LEMD1: variants seen among roughly 807,000 people sequenced by gnomAD.
LEMD1 encodes LEM domain-containing protein 1.
A neutral mutation model predicts 17.4 loss-of-function variants in LEMD1; 18 were observed. That is an observed-to-expected ratio of 1.04 (90% CI 0.72 to 1.54). LEMD1 has a LOEUF of 1.54. Ranked by LOEUF, LEMD1 falls within the 40% of genes most tolerant of loss-of-function variation. LEMD1 has a pLI of 0.00. For missense variants in LEMD1, 195 were observed against 210.4 expected, an observed-to-expected ratio of 0.93 and a Z score of 0.45; for synonymous variants, 88 against 77.8, an observed-to-expected ratio of 1.13 and a Z score of -0.69.
At chr1:205,406,162 C>T (rs1665090543) in intron 4 of LEMD1, among the ~76,000 whole-genome samples, 2 of 152,172 alleles carry the variant, frequency 1.3e-5, no homozygotes, top group Admixed American at 1.3e-4. Context: ...GGGTCAGGGA[C>T]CCACTTGAGG....
At chr1:205,398,147 T>C (rs78846925) in intron 4 of LEMD1, among the ~76,000 whole-genome samples, 2,060 of 152,308 alleles carry the variant, frequency 0.014, 52 homozygotes, top group African/African-American at 0.047. Flanking sequence ...TTAGCACACG[T>C]CAAAGGTAAG....
intron 4 of LEMD1, among the ~76,000 whole-genome samples, chr1:205,411,008 G>A (rs1282031602): frequency 6.8e-6 from 1 of 148,102 alleles, no homozygotes; most frequent in African/African-American, 2.5e-5. Context: ...AGAAAAGGAG[G>A]GAGGGAGAGA....
intron 1 of LEMD1, among the ~76,000 whole-genome samples, chr1:205,444,027 G>A (rs1369123059): frequency 3.3e-5 from 5 of 152,120 alleles, no homozygotes; most frequent in African/African-American, 4.8e-5. Context: ...GCTCCCTGAA[G>A]TCAGGTCCCC....
rs1666288052 is a variant in LEMD1, at chr1:205,441,179, AGGC to A, written c.-39+8686_-39+8688del. ...CTGGCCCAGTCATTGCCACTCCCTGAGGCGGCCCGCTAGGTCTCTCACACCGGC... is the reference window on the plus strand; with the variant it reads ...CTGGCCCAGTCATTGCCACTCCCTGAGGCCCGCTAGGTCTCTCACACCGGC... On this transcript the variant is annotated intron_variant, in intron 1 of 3. Transcript: ENST00000367154. This position sits in a 1 kb window ranked among gnomAD's most constrained non-coding sequence, Gnocchi z 4.3. The A allele has an allele frequency of 6.6e-6, 1 of 152,212 alleles. No individual in the cohort carries two copies. Among genetic ancestry groups the A allele is most frequent in the Non-Finnish European group, 1.5e-5 (1 of 68,114 alleles). The allele number at this position is 152,212 out of a possible 1,614,324, so 9.4% of individuals were successfully genotyped here.
chr1:205,405,577 A>G (rs1385407369), intron 4 of LEMD1, among the ~76,000 whole-genome samples: 55 of 134,890 alleles, frequency 4.1e-4, no homozygotes, highest in Admixed American at 5.2e-4. Context: ...ACTTCTCTGT[A>G]TTGGTTATTC....
intron 4 of LEMD1, among the ~76,000 whole-genome samples, chr1:205,406,825 G>A (rs1218853411): frequency 2.0e-5 from 3 of 152,180 alleles, no homozygotes; most frequent in African/African-American, 7.2e-5. Context: ...CTGTAGACAG[G>A]AGCTGTTCCT....
chr1:205,412,836 A>C (rs888690948), intron 4 of LEMD1, among the ~76,000 whole-genome samples: 17 of 152,218 alleles, frequency 1.1e-4, no homozygotes, highest in African/African-American at 3.9e-4. Context: ...GGTTTATGTA[A>C]AGTGGAGACC....
At position 205,419,279 on chromosome 1, in the gene LEMD1, C is replaced by A. The variant is rs749067034; in HGVS notation, c.156G>T (p.Met52Ile). 1.2e-6 allele frequency: 2 copies of A among 1,614,120 alleles called. No homozygotes were observed. The highest frequency in any genetic ancestry group is 2.7e-5 in the African/African-American group (2 of 74,950). ...LVSPPCAPPV[M>I]NGPRELDGAQ... ...CTCCATCCAGCTCTCTGGGTCCATT[C>A]ATCACAGGTGGTGCACAGGGAGGTG... is the stretch of plus-strand genomic sequence containing the variant. Residue 52 changes from methionine (M) to isoleucine (I), a missense_variant, in exon 3 of 6, where the codon ATG (methionine) becomes ATT (isoleucine). By Grantham distance (10) the Met-to-Ile change is conservative (BLOSUM62 1). Transcript: ENST00000367153.
Position 205,448,504 on chromosome 1 carries a change from C to T in LEMD1, c.-39+1364G>A. 2 of 447,456 alleles carry T rather than the reference C, an allele frequency of 4.5e-6. No individual in the cohort carries two copies. The allele number at this position is 447,456 out of a possible 1,614,324, so 27.7% of individuals were successfully genotyped here. A position where few individuals can be genotyped will look rare whatever the true frequency, so the allele number is the denominator to read the frequency against. ...CCCGACCCCAGACCCACCCACACTG[C>T]CTCCCTCCAGGACTGGGCCCCCCAG... On this transcript the variant is annotated intron_variant, in intron 1 of 3. Transcript: ENST00000367154. This position sits in a 1 kb window ranked among gnomAD's most constrained non-coding sequence, Gnocchi z 4.7.
At position 205,419,329 on chromosome 1, in the gene LEMD1, T is replaced by C; in HGVS notation, c.106A>G (p.Lys36Glu). The change falls in exon 3 of 6, where the codon AAA becomes GAA. Residue 36 changes from lysine (K) to glutamate (E), a missense_variant. Transcript: ENST00000367153. The part of the protein sequence containing the change: ...ILPSTRKLYE[K>E]KLVQLLVSPP... ...GAGACCAACAACTGTACTAACTTTT[T>C]TTCATACAACTTTCTGGTGGAAGCT... 1 of 1,614,232 alleles carries C rather than the reference T, an allele frequency of 6.2e-7. No individual in the cohort carries two copies. Among genetic ancestry groups the C allele is most frequent in the Non-Finnish European group, 8.5e-7 (1 of 1,180,034 alleles).
At chr1:205,420,314 C>T in intron 2 of LEMD1, 141 bp downstream of exon 2, 1 of 656,382 alleles carries the variant, frequency 1.5e-6, no homozygotes, top group Non-Finnish European at 2.6e-6. Context: ...TATTTACCGC[C>T]TCTTCCCTCT....
intron 1 of LEMD1, chr1:205,435,276 G>T (rs1666188187): frequency 6.6e-6 from 1 of 152,204 alleles, no homozygotes; most frequent in Non-Finnish European, 1.5e-5. Context: ...TAGCACCATT[G>T]ACTCTCAGGG....
chr1:205,382,543 G>GT (rs1558702367), intron 5 of LEMD1, among the ~76,000 whole-genome samples: 1 of 152,032 alleles, frequency 6.6e-6, no homozygotes, highest in Non-Finnish European at 1.5e-5. Flanking sequence ...GATTACAGGC[G>GT]TGAGCCACTG....
At chr1:205,391,210 A>G (rs1664315368) in intron 4 of LEMD1, among the ~76,000 whole-genome samples, 1 of 152,192 alleles carries the variant, frequency 6.6e-6, no homozygotes, top group African/African-American at 2.4e-5. Context: ...GGGTAGATGT[A>G]CTTCTCTCAA....
chr1:205,411,689 AAG>A (rs1665456099), intron 4 of LEMD1, among the ~76,000 whole-genome samples: 2 of 151,674 alleles, frequency 1.3e-5, no homozygotes, highest in South Asian at 2.1e-4. Flanking sequence ...GAAAGAAAGA[AAG>A]AAAGAAAAAG....
chr1:205,420,030 T>A (rs1665887889), intron 2 of LEMD1, among the ~76,000 whole-genome samples: 1 of 152,146 alleles, frequency 6.6e-6, no homozygotes, highest in South Asian at 2.1e-4. Flanking sequence ...AAACACCCAA[T>A]CCATGCGCTG....
At chr1:205,444,277 T>C (rs531342915) in intron 1 of LEMD1, among the ~76,000 whole-genome samples, 1 of 152,246 alleles carries the variant, frequency 6.6e-6, no homozygotes, top group African/African-American at 2.4e-5. Context: ...TGCATCTGAC[T>C]GCAAGCTGTT....
intron 5 of LEMD1, among the ~76,000 whole-genome samples, chr1:205,382,633 CTTCA>C (rs756542456): frequency 2.0e-5 from 3 of 152,174 alleles, no homozygotes; most frequent in Non-Finnish European, 2.9e-5. Flanking sequence ...CAAAACATTT[CTTCA>C]TTGTTTCCAC....
intron 4 of LEMD1, among the ~76,000 whole-genome samples, chr1:205,391,709 C>T (rs1664347018): frequency 6.6e-6 from 1 of 152,146 alleles, no homozygotes; most frequent in Admixed American, 6.5e-5. Flanking sequence ...CAAGGTGTCC[C>T]CAGTGGGAGC....
Sources: gnomAD v4.1 joint callset for allele counts (sites outside exome capture counted in the v4.1 genomes callset) on GRCh38, gnomAD v4.1.1 for gene constraint, Gnocchi (gnomAD v3.1) non-coding constraint, MANE v1.5 for transcripts, NCBI Gene and HGNC (gene_info 2026-07-23, HGNC 2026-07-21) for gene names.